Variants in NCOA2 observed in about 807,000 individuals in gnomAD.
NCOA2 encodes class E basic helix-loop-helix protein 75.
In NCOA2, 21 loss-of-function variants were observed where a neutral mutation model predicts 145.1. That is an observed-to-expected ratio of 0.14 (90% CI 0.10 to 0.21). The LOEUF (loss-of-function observed/expected upper bound fraction) is 0.21. Ranked by LOEUF, NCOA2 falls within the 10% of genes least tolerant of loss-of-function variation. The pLI, the probability that NCOA2 is intolerant of heterozygous loss-of-function variation, is 1.00. For missense variants in NCOA2, 1,472 were observed against 1,837.6 expected, an observed-to-expected ratio of 0.80 and a Z score of 3.64; for synonymous variants, 619 against 637.5, an observed-to-expected ratio of 0.97 and a Z score of 0.44.
At chr8:70,114,503 G>T (rs1382689388) in intron 22 of NCOA2, among the ~76,000 whole-genome samples, 1 of 152,130 alleles carries the variant, frequency 6.6e-6, no homozygotes, top group Non-Finnish European at 1.5e-5. Context: ...CATTCACTTA[G>T]CAAATATTAA....
chr8:70,259,875 T>C (rs1823968507), intron 2 of NCOA2, among the ~76,000 whole-genome samples: 1 of 152,236 alleles, frequency 6.6e-6, no homozygotes, highest in Admixed American at 6.5e-5. Flanking sequence ...ATGCCATATG[T>C]AAACAGAAAT....
At position 70,128,507 on chromosome 8, in the gene NCOA2, G is replaced by A. The variant is rs1355132406; in HGVS notation, c.3607C>T (p.Arg1203Cys). The A allele has an allele frequency of 5.0e-6, 8 of 1,611,810 alleles. No homozygotes were observed. Among genetic ancestry groups the A allele is most frequent in the South Asian group, 2.2e-5 (2 of 90,678 alleles). The change falls in exon 18 of 23, where the codon CGC (arginine) becomes TGC (cysteine). Residue 1203 changes from arginine to cysteine, a missense_variant. By Grantham distance (180) the Arg-to-Cys change is radical. Around this residue, in one of 4 missense-constraint regions of NCOA2, gnomAD observed 953 missense variants for 1,062.1 expected, o/e 0.90. Coordinates refer to ENST00000452400, the MANE Select transcript of NCOA2 (RefSeq NM_006540.4). ...CTGATTTGATTCATAAGTGGCTGGCGATTCTAAATACATACAAACAGGATG... is the reference window on the plus strand; with the variant it reads ...CTGATTTGATTCATAAGTGGCTGGCAATTCTAAATACATACAAACAGGATG... ...LQHRLQAQQN[R>C]QPLMNQISNV...
intron 2 of NCOA2, among the ~76,000 whole-genome samples, chr8:70,221,915 A>T (rs1260677420): frequency 6.6e-6 from 1 of 152,154 alleles, no homozygotes; most frequent in Non-Finnish European, 1.5e-5. Context: ...CAATATTTTT[A>T]AAATTTTTAC....
At chr8:70,118,327 T>C (rs1278705817) in intron 22 of NCOA2, among the ~76,000 whole-genome samples, 1 of 152,176 alleles carries the variant, frequency 6.6e-6, no homozygotes, top group Non-Finnish European at 1.5e-5. Flanking sequence ...TTCTGGGAAG[T>C]GCATTCCTGA....
At chr8:70,186,785 G>A (rs1467777469) in intron 4 of NCOA2, among the ~76,000 whole-genome samples, 2 of 152,152 alleles carry the variant, frequency 1.3e-5, no homozygotes, top group South Asian at 2.1e-4. Context: ...GAAAGACTAG[G>A]AAGCATTTGG....
rs552450509 is a variant in NCOA2 at position 70,223,798 on chromosome 8, A to C, written c.-19-7034T>G. Among the ~76,000 whole-genome samples the C allele has an allele frequency of 1.8e-4, 28 of 152,356 alleles. 1 individual carries two copies. The South Asian group carries it at 5.8e-3, about 32-fold the overall frequency. ...AGGAAGTCTTGGAGCTCATGAATCC[A>C]AACAGTTCCTCAATTCTTAACCACT... On this transcript the variant is annotated intron_variant, in intron 2 of 22. Coordinates refer to ENST00000452400, the MANE Select transcript of NCOA2 (RefSeq NM_006540.4).
intron 2 of NCOA2, among the ~76,000 whole-genome samples, chr8:70,254,198 C>T (rs1449165303): frequency 6.6e-6 from 1 of 152,170 alleles, no homozygotes; most frequent in Non-Finnish European, 1.5e-5. Context: ...TAAGATACTA[C>T]CTCACACCCA....
At chr8:70,390,444 C>A (rs913074549) in intron 1 of NCOA2, among the ~76,000 whole-genome samples, 1 of 152,100 alleles carries the variant, frequency 6.6e-6, no homozygotes, top group Admixed American at 6.6e-5. Flanking sequence ...ACTACTCTTA[C>A]ACCAAGGTTT....
chr8:70,199,583 G>A (rs1385099503), intron 4 of NCOA2, among the ~76,000 whole-genome samples: 1 of 152,138 alleles, frequency 6.6e-6, no homozygotes, highest in African/African-American at 2.4e-5. Flanking sequence ...CCAGGGAGCA[G>A]TGAGGGGCAC....
chr8:70,273,628 A>AG, intron 2 of NCOA2: 1 of 737,222 alleles, frequency 1.4e-6, no homozygotes, highest in Non-Finnish European at 2.4e-6. Flanking sequence ...TCACCATTAC[A>AG]GGCTATACTG....
chr8:70,351,652 C>A (rs1420396123), intron 1 of NCOA2, among the ~76,000 whole-genome samples: 2 of 146,916 alleles, frequency 1.4e-5, no homozygotes, highest in African/African-American at 5.0e-5. Flanking sequence ...CAAGCAAGAT[C>A]GTAGCTCACT....
At chr8:70,223,890 T>A (rs190537525) in intron 2 of NCOA2, among the ~76,000 whole-genome samples, 4 of 152,346 alleles carry the variant, frequency 2.6e-5, no homozygotes, top group Admixed American at 2.6e-4. Context: ...TATAAACTAG[T>A]ATGTATTACA....
intron 1 of NCOA2, among the ~76,000 whole-genome samples, chr8:70,330,312 G>A (rs1384210538): frequency 1.3e-5 from 2 of 152,062 alleles, no homozygotes; most frequent in Non-Finnish European, 2.9e-5. Flanking sequence ...GCTCATGCCT[G>A]TAATCCCAAC....
At chr8:70,334,846 T>G in intron 1 of NCOA2, among the ~76,000 whole-genome samples, 1 of 152,176 alleles carries the variant, frequency 6.6e-6, no homozygotes, top group East Asian at 1.9e-4. Context: ...TCTCCTTGGC[T>G]GGGCGCAGTG....
intron 4 of NCOA2, among the ~76,000 whole-genome samples, chr8:70,195,247 G>C (rs958386964): frequency 6.6e-6 from 1 of 152,032 alleles, no homozygotes; most frequent in African/African-American, 2.4e-5. Flanking sequence ...CATTTTGTAG[G>C]GCCTGGAGCT....
At chr8:70,165,371 T>C (rs887979726) in intron 7 of NCOA2, among the ~76,000 whole-genome samples, 1 of 152,242 alleles carries the variant, frequency 6.6e-6, no homozygotes, top group African/African-American at 2.4e-5. Flanking sequence ...GATACTGGTA[T>C]TGGTGACTTC....
chr8:70,323,417 G>A (rs950331314), intron 1 of NCOA2, among the ~76,000 whole-genome samples: 4 of 152,132 alleles, frequency 2.6e-5, no homozygotes, highest in African/African-American at 7.2e-5. Flanking sequence ...TAGCAACAGC[G>A]AGAAAGCACA....
chr8:70,307,547 G>A (rs1827989692), intron 1 of NCOA2, among the ~76,000 whole-genome samples: 1 of 152,130 alleles, frequency 6.6e-6, no homozygotes. Context: ...TAAATCATGT[G>A]GACGACCATT....
chr8:70,234,083 T>C (rs1821389465), intron 2 of NCOA2, among the ~76,000 whole-genome samples: 1 of 152,194 alleles, frequency 6.6e-6, no homozygotes, highest in Admixed American at 6.5e-5. Flanking sequence ...TTACCTAATA[T>C]GAACATTTCA....
Sources: gnomAD v4.1 joint callset for allele counts (sites outside exome capture counted in the v4.1 genomes callset) on GRCh38, gnomAD v4.1.1 for gene constraint, gnomAD v4.1.1 regional missense constraint, MANE v1.5 for transcripts, NCBI Gene and HGNC (gene_info 2026-07-23, HGNC 2026-07-21) for gene names.